Variants in KCTD16 observed in about 807,000 individuals in gnomAD.
KCTD16 encodes potassium channel tetramerization domain containing 16.
A neutral mutation model predicts 33.2 loss-of-function variants in KCTD16; 13 were observed. The ratio of observed to expected loss-of-function variants is 0.39; its 90% CI spans 0.25 to 0.62. The LOEUF (loss-of-function observed/expected upper bound fraction) is 0.62. Ranked by LOEUF, KCTD16 falls within the 20% of genes least tolerant of loss-of-function variation. The pLI, the probability that KCTD16 is intolerant of heterozygous loss-of-function variation, is 0.50. For synonymous variants in KCTD16, 197 were observed against 195.3 expected (o/e 1.01, Z -0.07); for missense variants, 441 against 525.1 (o/e 0.84, Z 1.57).
intron 3 of KCTD16, among the ~76,000 whole-genome samples, chr5:144,424,561 G>T (rs951667424): frequency 6.6e-6 from 1 of 152,152 alleles, no homozygotes; most frequent in Non-Finnish European, 1.5e-5. Context: ...ATCATTTTCT[G>T]CTGTTACACT....
chr5:144,245,788 G>A (rs1035212186), intron 3 of KCTD16, among the ~76,000 whole-genome samples: 3 of 152,150 alleles, frequency 2.0e-5, no homozygotes, highest in Admixed American at 6.5e-5. Flanking sequence ...GCCACGTGAA[G>A]TGCTGGCTCC....
intron 3 of KCTD16, among the ~76,000 whole-genome samples, chr5:144,245,639 G>A (rs1334751174): frequency 6.6e-6 from 1 of 152,144 alleles, no homozygotes; most frequent in Admixed American, 6.5e-5. Context: ...CTGGTGGGAG[G>A]TGATTGGATC....
At chr5:144,365,768 AAGGT>A (rs34760414) in intron 3 of KCTD16, among the ~76,000 whole-genome samples, 33,219 of 152,024 alleles carry the variant, frequency 0.22, 3,940 homozygotes, top group Non-Finnish European at 0.27. Flanking sequence ...GGAGCAGGTG[AAGGT>A]ATATTAGAGA....
At chr5:144,207,581 T>A (rs766093993) in intron 3 of KCTD16, 35 bp downstream of exon 3, 9 of 1,439,408 alleles carry the variant, frequency 6.3e-6, no homozygotes, top group Non-Finnish European at 7.7e-6. Flanking sequence ...TTTTTATGTG[T>A]GTCAATGCTC....
In KCTD16 at chr5:144,176,274, G is replaced by A. The variant is rs114368195; in HGVS notation, c.-327+1802G>A. Among the ~76,000 whole-genome samples the A allele has an allele frequency of 4.1e-3, 619 of 151,500 alleles. 2 individuals carry two copies. The highest frequency in any genetic ancestry group is 0.015 in the African/African-American group (601 of 41,346). ...AAAACACAGAATTTATCAGGAGACA[G>A]AGCATAAGATGATTTATATTGTGGA... On this transcript the variant is annotated intron_variant, in intron 2 of 3. Transcript: ENST00000512467.
chr5:144,287,848 C>G (rs2126859769), intron 3 of KCTD16, among the ~76,000 whole-genome samples: 1 of 152,146 alleles, frequency 6.6e-6, no homozygotes, highest in East Asian at 1.9e-4. Flanking sequence ...GTTGGCCAAG[C>G]TTGTCTCGAA....
At chr5:144,216,894 T>C (rs923571246) in intron 3 of KCTD16, among the ~76,000 whole-genome samples, 2 of 151,288 alleles carry the variant, frequency 1.3e-5, no homozygotes, top group African/African-American at 4.8e-5. Context: ...GCTGTTTGGC[T>C]GTTTTAGACA....
At chr5:144,375,802 C>T (rs1752078154) in intron 3 of KCTD16, among the ~76,000 whole-genome samples, 1 of 151,986 alleles carries the variant, frequency 6.6e-6, no homozygotes, top group Non-Finnish European at 1.5e-5. Flanking sequence ...CCTTCCTTCC[C>T]TGCCTCCCTT....
chr5:144,466,864 A>G (rs1022651409), intron 3 of KCTD16, among the ~76,000 whole-genome samples: 1 of 150,236 alleles, frequency 6.7e-6, no homozygotes, highest in Admixed American at 6.7e-5. Context: ...TGCTGAGCAC[A>G]ATAACAAGAC....
chr5:144,411,072 G>A (rs1752921483), intron 3 of KCTD16, among the ~76,000 whole-genome samples: 1 of 152,162 alleles, frequency 6.6e-6, no homozygotes, highest in South Asian at 2.1e-4. Flanking sequence ...CTATGCTCAT[G>A]ATTAAAAAGA....
intron 2 of KCTD16, among the ~76,000 whole-genome samples, chr5:144,202,682 C>A (rs1753071276): frequency 6.6e-6 from 1 of 151,744 alleles, no homozygotes. Context: ...TTTTTAACTG[C>A]TTACTATAAT....
At chr5:144,334,335 T>G (rs1189802990) in intron 3 of KCTD16, among the ~76,000 whole-genome samples, 1 of 152,196 alleles carries the variant, frequency 6.6e-6, no homozygotes, top group African/African-American at 2.4e-5. Context: ...GTGGGTGATC[T>G]TGACCAATCA....
chr5:144,259,257 CAAAAAAAAAAA>C (rs1166248798), intron 3 of KCTD16, among the ~76,000 whole-genome samples: 2 of 48,386 alleles, frequency 4.1e-5, no homozygotes, highest in African/African-American at 7.3e-5. Context: ...GACTCCATCT[CAAAAAAAAAAA>C]AAAAAAAAAA....
At position 144,477,787 on chromosome 5, in the gene KCTD16, G is replaced by A. The variant is rs560243495; in HGVS notation, c.*3673G>A. 91 of 151,820 alleles carry A rather than the reference G, an allele frequency of 6.0e-4. No individual in the cohort carries two copies. Among genetic ancestry groups the A allele is most frequent in the African/African-American group, 2.1e-3 (88 of 41,386 alleles). 9.4% of individuals were successfully genotyped at this position (151,820 alleles called of 1,614,324 possible). ...AACCTTCAACTTTGTATCTACTATA[G>A]TGTAGATCTGTGAATTTGAGTGCTG... is the stretch of plus-strand genomic sequence containing the variant. On this transcript the variant is annotated 3_prime_UTR_variant, in exon 4 of 4. Transcript: ENST00000512467.
intron 3 of KCTD16, among the ~76,000 whole-genome samples, chr5:144,467,132 A>AATATATATAG (rs1754365634): frequency 6.9e-6 from 1 of 145,808 alleles, no homozygotes; most frequent in African/African-American, 2.5e-5. Context: ...TATTACATAT[A>AATATATATAG]CGTAAAACAC....
chr5:144,409,873 T>C (rs1752893800), intron 3 of KCTD16, among the ~76,000 whole-genome samples: 1 of 152,122 alleles, frequency 6.6e-6, no homozygotes, highest in African/African-American at 2.4e-5. Flanking sequence ...AATTGAAATA[T>C]AGTCATAAGT....
At chr5:144,461,925 A>G (rs977718727) in intron 3 of KCTD16, among the ~76,000 whole-genome samples, 2 of 152,144 alleles carry the variant, frequency 1.3e-5, no homozygotes, top group Non-Finnish European at 2.9e-5. Flanking sequence ...TTCCTCCAGA[A>G]AGACTGCCAG....
At chr5:144,394,350 C>T (rs1240191447) in intron 3 of KCTD16, among the ~76,000 whole-genome samples, 1 of 151,964 alleles carries the variant, frequency 6.6e-6, no homozygotes, top group East Asian at 1.9e-4. Context: ...CATACATTAG[C>T]AAAGTAAAGA....
chr5:144,441,841 A>C (rs1753717332), intron 3 of KCTD16, among the ~76,000 whole-genome samples: 1 of 147,084 alleles, frequency 6.8e-6, no homozygotes, highest in Non-Finnish European at 1.5e-5. Context: ...TGTTAAGATC[A>C]TCTTGACAAT....
Sources: allele counts gnomAD v4.1 joint callset (sites outside exome capture counted in the v4.1 genomes callset), GRCh38; gene constraint gnomAD v4.1.1; transcripts MANE v1.5; gene names NCBI Gene and HGNC (gene_info 2026-07-23, HGNC 2026-07-21).